FAM149B1: variants seen among roughly 807,000 people sequenced by gnomAD.
FAM149B1 encodes the protein primary cilium assembly protein FAM149B1.
A neutral mutation model predicts 75.3 loss-of-function variants in FAM149B1; 56 were observed. The observed-to-expected ratio is 0.74, with a 90% CI of 0.60 to 0.93. FAM149B1 has a LOEUF of 0.93. FAM149B1 is among the 40% of genes least tolerant of loss of function. FAM149B1 has a pLI of 0.00. For synonymous variants in FAM149B1, 259 were observed against 256.1 expected, an observed-to-expected ratio of 1.01 and a Z score of -0.11; for missense variants, 639 against 708.4, an observed-to-expected ratio of 0.90 and a Z score of 1.11.
At chr10:73,179,000 C>T (rs1198798133) in intron 3 of FAM149B1, among the ~76,000 whole-genome samples, 1 of 151,700 alleles carries the variant, frequency 6.6e-6, no homozygotes, top group Non-Finnish European at 1.5e-5. Context: ...GAGTCTCGCT[C>T]TGTTGCCAGG....
At chr10:73,213,617 T>G (rs1336508529) in intron 7 of FAM149B1, among the ~76,000 whole-genome samples, 1 of 152,192 alleles carries the variant, frequency 6.6e-6, no homozygotes, top group East Asian at 1.9e-4. Context: ...ATATTTTTGT[T>G]GACTTTGTCA....
chr10:73,228,618 G>T (rs2043612584), intron 8 of FAM149B1, among the ~76,000 whole-genome samples: 1 of 146,578 alleles, frequency 6.8e-6, no homozygotes, highest in South Asian at 2.2e-4. Flanking sequence ...CATTTTTTTT[G>T]AGACAGTCTC....
chr10:73,186,647 A>G (rs889423166), intron 3 of FAM149B1, among the ~76,000 whole-genome samples: 4 of 152,254 alleles, frequency 2.6e-5, no homozygotes, highest in Non-Finnish European at 4.4e-5. Context: ...GTCACAGTAT[A>G]CAAGAACAAT....
intron 1 of FAM149B1, among the ~76,000 whole-genome samples, chr10:73,172,122 T>C (rs1261277235): frequency 6.6e-6 from 1 of 152,198 alleles, no homozygotes. Context: ...TAGATTTCCC[T>C]GGCAGACTAA....
At chr10:73,221,982 CAT>C (rs1244046070) in intron 7 of FAM149B1, among the ~76,000 whole-genome samples, 1 of 151,994 alleles carries the variant, frequency 6.6e-6, no homozygotes, top group Non-Finnish European at 1.5e-5. Context: ...TTGAGAGAGA[CAT>C]ATATATTTTC....
rs1451685291 is a variant in FAM149B1 at position 73,241,847 on chromosome 10, C to G, written c.*828C>G. 6.6e-6 allele frequency: 1 copy of G among 152,168 alleles called. No homozygotes were observed. The highest frequency in any genetic ancestry group is 1.5e-5 in the Non-Finnish European group (1 of 68,028). The allele number at this position is 152,168 out of a possible 1,614,324, so 9.4% of individuals were successfully genotyped here. A position where few individuals can be genotyped will look rare whatever the true frequency, so the allele number is the denominator to read the frequency against. ...TAATTCCCTAAAAGTTTAAGAAACC[C>G]TGGCAATTAATTCAGCATAAACATA... On this transcript the variant is annotated 3_prime_UTR_variant, in exon 14 of 14. Coordinates refer to ENST00000242505, the MANE Select transcript of FAM149B1 (RefSeq NM_173348.2).
intron 7 of FAM149B1, among the ~76,000 whole-genome samples, chr10:73,214,667 T>C (rs2043257677): frequency 6.6e-6 from 1 of 152,214 alleles, no homozygotes; most frequent in African/African-American, 2.4e-5. Flanking sequence ...GATCATGTTG[T>C]ATTATCTTTT....
At chr10:73,200,183 G>T (rs1405756184) in intron 5 of FAM149B1, among the ~76,000 whole-genome samples, 1 of 152,090 alleles carries the variant, frequency 6.6e-6, no homozygotes, top group East Asian at 1.9e-4. Context: ...ACAAAAATTA[G>T]CTGGGCATGT....
chr10:73,179,437 C>A (rs2042342222), intron 3 of FAM149B1, among the ~76,000 whole-genome samples: 1 of 151,718 alleles, frequency 6.6e-6, no homozygotes, highest in African/African-American at 2.4e-5. Context: ...TCTTTTCTTT[C>A]TTTCTTCTTT....
intron 8 of FAM149B1, 33 bp downstream of exon 8, chr10:73,228,217 G>A: frequency 6.5e-7 from 1 of 1,544,990 alleles, no homozygotes; most frequent in Non-Finnish European, 8.8e-7. Context: ...GGAGACCCCA[G>A]GGCTACTCTC....
At chr10:73,177,431 G>A (rs1264379598) in intron 2 of FAM149B1, among the ~76,000 whole-genome samples, 2 of 149,054 alleles carry the variant, frequency 1.3e-5, no homozygotes, top group East Asian at 4.1e-4. Flanking sequence ...AAAATGAGCT[G>A]GGTGTGGTGG....
chr10:73,236,413 CTTTT>C (rs571460371), intron 12 of FAM149B1, among the ~76,000 whole-genome samples: 22 of 133,292 alleles, frequency 1.7e-4, no homozygotes, highest in East Asian at 6.3e-4. Context: ...CAATTTCTGC[CTTTT>C]TTTTTTTTTT....
In FAM149B1 at chr10:73,210,371, T is replaced by C. The variant is rs772155151; in HGVS notation, c.831T>C (p.Ser277=). The change falls in exon 7 of 14, where the codon AGT becomes AGC. Residue 277 remains serine (S), a synonymous_variant. Transcript: ENST00000242505. The stretch of plus-strand genomic sequence containing the variant: ...ATGTCCTTGCTTATGTGTTTGACAG[T>C]GTATGGTGCAAGGTTGTGAGCTGTA... ...KEDVLAYVFD[S]VWCKVVSCME... 1.9e-6 allele frequency: 3 copies of C among 1,551,598 alleles called. No individual in the cohort carries two copies. In the South Asian group the frequency reaches 3.6e-5, roughly 18 times the overall value.
chr10:73,208,608 TCCACTCCAAGA>T lies in FAM149B1; in HGVS notation c.543-10_543del. On this transcript the variant is annotated splice_acceptor_variant and splice_polypyrimidine_tract_variant and coding_sequence_variant and intron_variant, in exon 6 of 14. Transcript: ENST00000242505. LOFTEE classifies it high-confidence loss of function. ...ACATAATTAATATTTACTTCTTTTT[TCCACTCCAAGA>T]TTTGGTATAAGGGGAAAGAAGTTAC... 2 of 1,482,924 alleles carry T rather than the reference TCCACTCCAAGA, an allele frequency of 1.3e-6. No homozygotes were observed. The highest frequency in any genetic ancestry group is 2.3e-5 in the Admixed American group (1 of 42,652). The allele number at this position is 1,482,924 out of a possible 1,614,324, so 91.9% of individuals were successfully genotyped here.
At chr10:73,192,169 G>C (rs1407913718) in intron 3 of FAM149B1, 1 of 165,560 alleles carries the variant, frequency 6.0e-6, no homozygotes, top group Non-Finnish European at 1.3e-5. Flanking sequence ...CAAAGTGCTG[G>C]GTTTACAGGC....
chr10:73,243,113 A>C lies in FAM149B1; in HGVS notation c.*2094A>C, dbSNP rs999650480. The C allele has an allele frequency of 5.3e-6, 2 of 377,392 alleles. No homozygotes were observed. Among genetic ancestry groups the C allele is most frequent in the African/African-American group, 4.2e-5 (2 of 47,778 alleles). The allele number at this position is 377,392 out of a possible 1,614,324, so 23.4% of individuals were successfully genotyped here. On this transcript the variant is annotated 3_prime_UTR_variant, in exon 14 of 14. Coordinates refer to ENST00000242505, the MANE Select transcript of FAM149B1 (RefSeq NM_173348.2). The stretch of plus-strand genomic sequence containing the variant: ...TCCTAGATAAGAGTTCTGTGTACAG[A>C]AGATCCATGGAGGCAAGTGCTGTCA...
chr10:73,191,185 C>G (rs1368951053), intron 3 of FAM149B1, among the ~76,000 whole-genome samples: 1 of 151,670 alleles, frequency 6.6e-6, no homozygotes. Context: ...GGATTACTGG[C>G]GTGAGCCGTG....
chr10:73,180,185 G>C (rs2133309787), intron 3 of FAM149B1, among the ~76,000 whole-genome samples: 1 of 152,336 alleles, frequency 6.6e-6, no homozygotes, highest in South Asian at 2.1e-4. Flanking sequence ...TCTGAGACTT[G>C]AAGACAGAAG....
At chr10:73,229,690 C>A (rs2043639829) in intron 8 of FAM149B1, among the ~76,000 whole-genome samples, 1 of 152,172 alleles carries the variant, frequency 6.6e-6, no homozygotes, top group African/African-American at 2.4e-5. Flanking sequence ...ACTGGTGTGG[C>A]CGTGGTTTAG....
Sources: gnomAD v4.1 joint callset for allele counts (sites outside exome capture counted in the v4.1 genomes callset) on GRCh38, gnomAD v4.1.1 for gene constraint, MANE v1.5 for transcripts, NCBI Gene and HGNC (gene_info 2026-07-23, HGNC 2026-07-21) for gene names.